Variants in KRT72 observed in about 807,000 individuals in gnomAD.
KRT72 encodes keratin 72.
A neutral mutation model predicts 44.7 loss-of-function variants in KRT72; 44 were observed. That is an observed-to-expected ratio of 0.98 (90% confidence interval 0.77 to 1.27). The LOEUF is 1.27. Ranked by LOEUF, KRT72 falls within the 50% of genes most tolerant of loss-of-function variation. The pLI, the probability that KRT72 is intolerant of heterozygous loss-of-function variation, is 0.00. For missense variants in KRT72, 736 were observed against 667.1 expected, an observed-to-expected ratio of 1.10 and a Z score of -1.14; for synonymous variants, 302 against 280.4, an observed-to-expected ratio of 1.08 and a Z score of -0.77.
chr12:52,601,850 C>T (rs1473228389), upstream of KRT72, among the ~76,000 whole-genome samples: 3 of 152,116 alleles, frequency 2.0e-5, no homozygotes, highest in African/African-American at 4.8e-5. Flanking sequence ...TCTGGGGAGA[C>T]GGAGGTGTGT....
Position 52,592,445 on chromosome 12 carries a change from A to C in KRT72, c.749T>G (p.Val250Gly), listed in dbSNP as rs769801679. 6.7e-5 allele frequency: 108 copies of C among 1,614,002 alleles called. No homozygotes were observed. Among genetic ancestry groups the C allele is most frequent in the Non-Finnish European group, 8.6e-5 (101 of 1,179,992 alleles). The change falls in exon 4 of 9, where the codon GTG becomes GGG. Residue 250 changes from valine (V) to glycine (G), a missense_variant. Val to Gly is a moderately radical substitution (Grantham distance 109). Transcript: ENST00000293745. ...YMNKVELQAK[V>G]DSLTDEIKFF... The stretch of plus-strand genomic sequence containing the variant: ...TTTAATCTCATCTGTCAAGGAGTCC[A>C]CCTTGGCCTGGAGCTCAACCTTATT...
At position 52,587,768 on chromosome 12, in the gene KRT72, C is replaced by T. The variant is rs200608954; in HGVS notation, c.1173G>A (p.Glu391=). The T allele has an allele frequency of 1.4e-5, 22 of 1,614,206 alleles. No homozygotes were observed. The East Asian group carries it at 4.9e-4, about 36-fold the overall frequency. The change falls in exon 7 of 9, where the codon GAG becomes GAA. Residue 391 remains glutamate (E), a synonymous_variant. Transcript: ENST00000293745. The stretch of plus-strand genomic sequence containing the variant: ...TGGCCTGGTGCAGGGCGCCCTCCAG[C>T]TCATCCAGCTTGGCCCGGGCATCTT... ...ALKDARAKLD[E]LEGALHQAKE...
In KRT72 at chr12:52,600,952, G is replaced by T. The variant is rs917630536; in HGVS notation, c.426+75C>A. The T allele has an allele frequency of 2.6e-6, 4 of 1,526,156 alleles. No individual in the cohort carries two copies. The African/African-American group carries it at 4.2e-5, about 16-fold the overall frequency. The allele number at this position is 1,526,156 out of a possible 1,614,324, so 94.5% of individuals were successfully genotyped here. A position where few individuals can be genotyped will look rare whatever the true frequency, so the allele number is the denominator to read the frequency against. On this transcript the variant is annotated intron_variant, in intron 1 of 8. Transcript: ENST00000293745. ...TATGACCCGCCCACGCTCCCACACA[G>T]CTCGCCAGTGGCAGAGCCAGCACCA...
In KRT72 at chr12:52,599,022, C is replaced by G. The variant is rs1284771557; in HGVS notation, c.517G>C (p.Glu173Gln). The G allele has an allele frequency of 6.2e-7, 1 of 1,613,856 alleles. No individual in the cohort carries two copies. The highest frequency in any genetic ancestry group is 1.3e-5 in the African/African-American group (1 of 74,906). The change falls in exon 2 of 9, where the codon GAG (glutamate) becomes CAG (glutamine). Residue 173 changes from glutamate to glutamine, a missense_variant. Glu to Gln is a conservative substitution (Grantham distance 29). Transcript: ENST00000293745. ...LDLNNCRKNLEPIYEGYISNL... is the reference protein window; with the variant it reads ...LDLNNCRKNLQPIYEGYISNL... ...CTGATGTAGCCCTCATAAATGGGCT[C>G]CAGGTTCTTCCTGCAGTTGTTCAAG...
At position 52,592,884 on chromosome 12, in the gene KRT72, C is replaced by T. The variant is rs1940100310; in HGVS notation, c.702+8G>A. On this transcript the variant is annotated splice_region_variant and intron_variant, in intron 3 of 8. Coordinates refer to ENST00000293745, the MANE Select transcript of KRT72 (RefSeq NM_080747.3). Reference sequence around the variant, plus strand: ...GGCTTCTTCCAGCCCACCTGGCACCCCTCTTACCTTCTTGAGCACCACAAA... The same window carrying T: ...GGCTTCTTCCAGCCCACCTGGCACCTCTCTTACCTTCTTGAGCACCACAAA... The T allele has an allele frequency of 6.2e-7, 1 of 1,613,380 alleles. No homozygotes were observed. The highest frequency in any genetic ancestry group is 8.5e-7 in the Non-Finnish European group (1 of 1,179,658).
rs768009767 is a variant in KRT72 at position 52,590,860 on chromosome 12, T to G, written c.1065A>C (p.Ser355=). Residue 355 remains serine, a synonymous_variant, in exon 6 of 9, where the codon TCA becomes TCC. Transcript: ENST00000293745. ...ELNRLIQRIR[S]EIGNVKKQCA... is the part of the protein sequence containing the mutation. ...CCTGCTTCTTCACATTCCCTATCTC[T>G]GAGCGGATCCTCTGGATCAGGCGGT... 6.3e-7 allele frequency: 1 copy of G among 1,592,742 alleles called. No individual in the cohort carries two copies. Among genetic ancestry groups the G allele is most frequent in the East Asian group, 2.2e-5 (1 of 44,450 alleles).
At chr12:52,591,432 A>G (rs368168550) in intron 5 of KRT72, 32 bp downstream of exon 5, 10 of 1,605,678 alleles carry the variant, frequency 6.2e-6, no homozygotes, top group Non-Finnish European at 7.7e-6. Flanking sequence ...AGCTGTGGCC[A>G]GTGGGACTCA....
At chr12:52,595,451 G>A (rs1424984715) in intron 2 of KRT72, among the ~76,000 whole-genome samples, 1 of 152,056 alleles carries the variant, frequency 6.6e-6, no homozygotes, top group African/African-American at 2.4e-5. Flanking sequence ...TTTTATAACA[G>A]TCCCTAAAGT....
rs200656498 is a variant in KRT72 at position 52,587,821 on chromosome 12, C to A, written c.1120G>T (p.Ala374Ser). ...CADLETAIAD[A>S]EQRGDCALKD... The stretch of plus-strand genomic sequence containing the variant: ...AGGGCGCAGTCCCCCCGCTGTTCAG[C>A]GTCGGCGATGGCCGTCTCCAGATCG... The change falls in exon 7 of 9, where the codon GCT becomes TCT. Residue 374 changes from alanine to serine, a missense_variant. Ala to Ser is a moderately conservative substitution (Grantham distance 99). Transcript: ENST00000293745. 1 of 1,614,124 alleles carries A rather than the reference C, an allele frequency of 6.2e-7. No individual in the cohort carries two copies.
rs199978375 is a variant in KRT72, at chr12:52,587,801, G to A, written c.1140C>T (p.Cys380=). 98 of 1,614,044 alleles carry A rather than the reference G, an allele frequency of 6.1e-5. No individual in the cohort carries two copies. Among genetic ancestry groups the A allele is most frequent in the South Asian group, 7.7e-5 (7 of 91,082 alleles). Residue 380 remains cysteine, a synonymous_variant, in exon 7 of 9, where the codon TGC becomes TGT. Transcript: ENST00000293745. ...AIADAEQRGD[C]ALKDARAKLD... is the part of the protein sequence containing the mutation. ...GCTTGGCCCGGGCATCTTTCAGGGC[G>A]CAGTCCCCCCGCTGTTCAGCGTCGG...
chr12:52,589,005 TA>T (rs1939892270), intron 6 of KRT72, among the ~76,000 whole-genome samples: 1 of 145,028 alleles, frequency 6.9e-6, no homozygotes, highest in Non-Finnish European at 1.5e-5. Context: ...ATCTCAAATA[TA>T]TATATATATA....
chr12:52,595,421 C>A (rs994248910), intron 2 of KRT72, among the ~76,000 whole-genome samples: 1 of 152,004 alleles, frequency 6.6e-6, no homozygotes, highest in Non-Finnish European at 1.5e-5. Flanking sequence ...AGACATATTT[C>A]TTAGTTTATT....
At chr12:52,591,407 T>C in intron 5 of KRT72, 57 bp downstream of exon 5, 3 of 1,551,536 alleles carry the variant, frequency 1.9e-6, no homozygotes, top group Middle Eastern at 1.9e-4. Flanking sequence ...CATGCACACA[T>C]ACTGAGAGGG....
chr12:52,594,879 A>G (rs1323127256), intron 2 of KRT72, among the ~76,000 whole-genome samples: 1 of 152,240 alleles, frequency 6.6e-6, no homozygotes, highest in Non-Finnish European at 1.5e-5. Flanking sequence ...ACACACAGAA[A>G]GCAGTTTATA....
At position 52,587,766 on chromosome 12, in the gene KRT72, A is replaced by C. The variant is rs1184888306; in HGVS notation, c.1175T>G (p.Leu392Arg). Residue 392 changes from leucine to arginine, a missense_variant, in exon 7 of 9, where the codon CTG becomes CGG. Physicochemically the swap from Leu to Arg is moderately radical, Grantham distance 102. Transcript: ENST00000293745. ...CTTGGCCTGGTGCAGGGCGCCCTCC[A>C]GCTCATCCAGCTTGGCCCGGGCATC... ...LKDARAKLDE[L>R]EGALHQAKEE... 6.2e-7 allele frequency: 1 copy of C among 1,614,180 alleles called. No homozygotes were observed. The highest frequency in any genetic ancestry group is 1.7e-5 in the Admixed American group (1 of 60,022).
At chr12:52,587,218 G>A (rs1365799086) in intron 7 of KRT72, among the ~76,000 whole-genome samples, 1 of 151,970 alleles carries the variant, frequency 6.6e-6, no homozygotes, top group East Asian at 1.9e-4. Flanking sequence ...TGCTGTGTGG[G>A]ATCATTAGGC....
intron 5 of KRT72, 82 bp downstream of exon 5, chr12:52,591,382 G>A (rs11613547): frequency 0.24 from 287,223 of 1,220,760 alleles, 26,675 homozygotes; most frequent in Non-Finnish European, 0.27. Context: ...ACAAACACAC[G>A]CACACACACG....
chr12:52,590,806 C>T, intron 6 of KRT72, 30 bp downstream of exon 6: 1 of 1,553,944 alleles, frequency 6.4e-7, no homozygotes, highest in Non-Finnish European at 8.8e-7. Flanking sequence ...TCAATAAATA[C>T]TGTTAGTGGA....
At chr12:52,595,829 A>G (rs967547748) in intron 2 of KRT72, among the ~76,000 whole-genome samples, 8 of 152,248 alleles carry the variant, frequency 5.3e-5, no homozygotes, top group Non-Finnish European at 7.3e-5. Context: ...CAGTCTTGGT[A>G]AAGCCTTATT....
Sources: gnomAD v4.1 joint callset for allele counts (sites outside exome capture counted in the v4.1 genomes callset) on GRCh38, gnomAD v4.1.1 for gene constraint, MANE v1.5 for transcripts, NCBI Gene and HGNC (gene_info 2026-07-23, HGNC 2026-07-21) for gene names.